Variants in MDM2 observed in about 807,000 individuals in gnomAD.
MDM2 encodes the protein MDM2 proto-oncogene.
A neutral mutation model predicts 64.3 loss-of-function variants in MDM2; 11 were observed. That is an observed-to-expected ratio of 0.17 (90% confidence interval 0.11 to 0.28). The LOEUF is 0.28. Ranked by LOEUF, MDM2 falls within the 10% of genes least tolerant of loss-of-function variation. The probability of loss-of-function intolerance (pLI) is 1.00; values close to 1 mark genes in which losing one functional copy is unlikely to be tolerated. For synonymous variants in MDM2, 194 were observed against 192.9 expected (o/e 1.01, Z -0.05); for missense variants, 388 against 577.1 (o/e 0.67, Z 3.36).
chr12:68,835,766 G>A lies in MDM2; in HGVS notation c.685-63G>A, dbSNP rs1438921016. 3 of 1,489,502 alleles carry A rather than the reference G, an allele frequency of 2.0e-6. No individual in the cohort carries two copies. The African/African-American group carries it at 4.2e-5, about 21-fold the overall frequency. 92.3% of individuals were successfully genotyped at this position (1,489,502 alleles called of 1,614,324 possible). On this transcript the variant is annotated intron_variant, in intron 8 of 10. Transcript: ENST00000258149. ...GCAGCAGAGGCACAGGGATGAGTTAGGAAACAGATACAGAGGTCAAGAGGT... is the reference window on the plus strand; with the variant it reads ...GCAGCAGAGGCACAGGGATGAGTTAAGAAACAGATACAGAGGTCAAGAGGT...
At position 68,839,395 on chromosome 12, in the gene MDM2, TCTC is replaced by T. The variant is rs1316144297; in HGVS notation, c.1041_1043del (p.Ser348del). On this transcript the variant is annotated inframe_deletion, in exon 11 of 11. Coordinates refer to ENST00000258149, the MANE Select transcript of MDM2 (RefSeq NM_002392.6). Reference sequence around the variant, plus strand: ...GATAAAGGGAAAGATAAAGGGGAAATCTCTGAGAAAGCCAAACTGGAAAACTCA... The same window carrying T: ...GATAAAGGGAAAGATAAAGGGGAAATTGAGAAAGCCAAACTGGAAAACTCA... 6.2e-7 allele frequency: 1 copy of T among 1,613,584 alleles called. No homozygotes were observed. Among genetic ancestry groups the T allele is most frequent in the Non-Finnish European group, 8.5e-7 (1 of 1,179,978 alleles).
At position 68,824,397 on chromosome 12, in the gene MDM2, C is replaced by T. The variant is rs749163342; in HGVS notation, c.393C>T (p.Asn131=). The T allele has an allele frequency of 1.1e-5, 18 of 1,612,714 alleles. No homozygotes were observed. Among genetic ancestry groups the T allele is most frequent in the Non-Finnish European group, 1.4e-5 (17 of 1,179,316 alleles). The change falls in exon 6 of 11, where the codon AAC becomes AAT. Residue 131 remains asparagine, a synonymous_variant. Transcript: ENST00000258149. ...ACTCAGGTACATCTGTGAGTGAGAA[C>T]AGGTGTCACCTTGAAGGTGGGAGTG... The part of the protein sequence containing the change: ...SSDSGTSVSE[N]RCHLEGGSDQ...
chr12:68,826,652 A>C (rs1357541858), intron 7 of MDM2, among the ~76,000 whole-genome samples: 1 of 133,104 alleles, frequency 7.5e-6, no homozygotes, highest in East Asian at 1.9e-4. Context: ...CCCTCTTAAA[A>C]AAAAAAAAAA....
intron 10 of MDM2, among the ~76,000 whole-genome samples, chr12:68,839,045 A>G (rs900475373): frequency 3.3e-5 from 5 of 152,208 alleles, no homozygotes; most frequent in African/African-American, 7.2e-5. Flanking sequence ...TCTTGTGTGT[A>G]TGGTTAAAAT....
intron 7 of MDM2, among the ~76,000 whole-genome samples, chr12:68,826,452 C>G (rs1565739913): frequency 1.3e-5 from 2 of 151,652 alleles, no homozygotes; most frequent in South Asian, 4.2e-4. Context: ...AGTTCGAGAC[C>G]AACCTGGCCA....
chr12:68,808,745 G>T (rs1295495211), intron 1 of MDM2, among the ~76,000 whole-genome samples: 1 of 151,124 alleles, frequency 6.6e-6, no homozygotes, highest in Non-Finnish European at 1.5e-5. Flanking sequence ...TGGTTCGGAG[G>T]TCTCCGCGGG....
chr12:68,842,690 GATATAT>G lies in MDM2; in HGVS notation c.*2845_*2850del. 4.9e-6 allele frequency: 1 copy of G among 202,742 alleles called. No individual in the cohort carries two copies. Among genetic ancestry groups the G allele is most frequent in the Non-Finnish European group, 1.0e-5 (1 of 97,000 alleles). The allele number at this position is 202,742 out of a possible 1,614,324, so 12.6% of individuals were successfully genotyped here. A position where few individuals can be genotyped will look rare whatever the true frequency, so the allele number is the denominator to read the frequency against. On this transcript the variant is annotated 3_prime_UTR_variant, in exon 11 of 11. Transcript: ENST00000258149. ...TGACATTCAAAAATTTATGGCTAGT[GATATAT>G]ATAAAGTAAAATTTTCTTTGCAGTA...
chr12:68,816,849 G>A lies in MDM2; in HGVS notation c.212G>A (p.Arg71Gln), dbSNP rs1385829631. 1.9e-6 allele frequency: 3 copies of A among 1,608,300 alleles called. No individual in the cohort carries two copies. The highest frequency in any genetic ancestry group is 2.2e-5 in the East Asian group (1 of 44,668). Residue 71 changes from arginine (R) to glutamine (Q), a missense_variant, in exon 4 of 11, where the codon CGA becomes CAA. Physicochemically the swap from Arg to Gln is conservative, Grantham distance 43 (BLOSUM62 1). This residue lies in a region of MDM2 where 24 missense variants were observed against 87.8 expected (regional missense o/e 0.27). Coordinates refer to ENST00000258149, the MANE Select transcript of MDM2 (RefSeq NM_002392.6). ...FYLGQYIMTKRLYDEKQQHIV... is the reference protein window; with the variant it reads ...FYLGQYIMTKQLYDEKQQHIV... ...CTTGGCCAGTATATTATGACTAAAC[G>A]ATTATATGATGAGAAGCAACAACAT...
intron 1 of MDM2, 133 bp from the exon 2 acceptor site, chr12:68,809,075 C>T (rs1316240931): frequency 6.6e-6 from 10 of 1,506,150 alleles, no homozygotes; most frequent in Non-Finnish European, 1.8e-6. Context: ...CACTTTTTCT[C>T]TGCTGATCCA....
intron 8 of MDM2, among the ~76,000 whole-genome samples, chr12:68,834,209 G>A (rs777998477): frequency 1.1e-4 from 16 of 152,004 alleles, no homozygotes; most frequent in Non-Finnish European, 1.9e-4. Flanking sequence ...TTGGGAGGCC[G>A]AGGTGGCGGA....
chr12:68,816,989 A>C (rs748549508), intron 4 of MDM2, 44 bp downstream of exon 4: 1 of 1,599,572 alleles, frequency 6.3e-7, no homozygotes, highest in Non-Finnish European at 8.5e-7. Context: ...ATCTGGGCTA[A>C]CATTTCAGTT....
chr12:68,814,146 A>G (rs911421125), intron 3 of MDM2, among the ~76,000 whole-genome samples: 1 of 152,178 alleles, frequency 6.6e-6, no homozygotes, highest in African/African-American at 2.4e-5. Context: ...TCCGCCTCCT[A>G]GATTCAAGCC....
intron 2 of MDM2, among the ~76,000 whole-genome samples, chr12:68,810,138 C>A (rs979532733): frequency 6.6e-6 from 1 of 152,004 alleles, no homozygotes; most frequent in East Asian, 1.9e-4. Flanking sequence ...ATGGTGAAAA[C>A]CTGTCTCTAC....
chr12:68,847,616 G>A (rs1884421333), downstream of MDM2: 1 of 151,390 alleles, frequency 6.6e-6, no homozygotes, highest in Non-Finnish European at 1.5e-5. Flanking sequence ...ACCGCGCCTG[G>A]CTAATTTTTT....
chr12:68,818,437 T>C (rs3730537), intron 4 of MDM2, among the ~76,000 whole-genome samples: 1,534 of 151,180 alleles, frequency 0.01, 25 homozygotes, highest in African/African-American at 0.035. Flanking sequence ...AAAGGTATTT[T>C]TACCAGTCAT....
rs1048158258 is a variant in MDM2 at position 68,836,002 on chromosome 12, C to T, written c.840+18C>T. On this transcript the variant is annotated intron_variant, in intron 9 of 10. Coordinates refer to ENST00000258149, the MANE Select transcript of MDM2 (RefSeq NM_002392.6). ...ATGATGAGGTAGTATTTTTTTTCCC[C>T]TCTAATTATATTGGAAAATTATTAA... The T allele has an allele frequency of 3.2e-6, 5 of 1,560,104 alleles. No individual in the cohort carries two copies. Among genetic ancestry groups the T allele is most frequent in the Non-Finnish European group, 3.5e-6 (4 of 1,151,620 alleles).
At chr12:68,815,860 A>G (rs955413742) in intron 3 of MDM2, 1 of 166,014 alleles carries the variant, frequency 6.0e-6, no homozygotes, top group Non-Finnish European at 1.3e-5. Flanking sequence ...AGTTGTTAAT[A>G]GGTTTATATC....
intron 10 of MDM2, among the ~76,000 whole-genome samples, chr12:68,837,042 C>G (rs1018356394): frequency 9.2e-5 from 14 of 151,778 alleles, no homozygotes; most frequent in African/African-American, 3.1e-4. Flanking sequence ...CAGCCTCCAC[C>G]TCCCAGGTTC....
downstream of MDM2, chr12:68,847,410 T>C: frequency 6.7e-6 from 1 of 148,576 alleles, no homozygotes; most frequent in South Asian, 2.1e-4. Flanking sequence ...CCTTTGTATC[T>C]TCTTGCCATA....
Sources: allele counts gnomAD v4.1 joint callset (sites outside exome capture counted in the v4.1 genomes callset), GRCh38; gene constraint gnomAD v4.1.1; regional missense constraint gnomAD v4.1.1; transcripts MANE v1.5; gene names NCBI Gene and HGNC (gene_info 2026-07-23, HGNC 2026-07-21).